The following BACH2 variants were observed in gnomAD, a reference collection of about 807,000 sequenced individuals.
BACH2 encodes the protein BACH transcriptional regulator 2, also known as transcription regulator protein BACH2.
BACH2 carries 5 observed loss-of-function variants against 61.8 expected under a neutral mutation model. The ratio of observed to expected loss-of-function variants is 0.08; its 90% CI spans 0.04 to 0.17. The LOEUF is 0.17. Ranked by LOEUF, BACH2 falls within the 10% of genes least tolerant of loss-of-function variation. BACH2 has a pLI of 1.00. For synonymous variants in BACH2, 446 were observed against 440.1 expected (o/e 1.01, Z -0.17); for missense variants, 824 against 1,091.1 (o/e 0.76, Z 3.45).
At chr6:90,247,744 C>T (rs3757247) in intron 3 of BACH2, among the ~76,000 whole-genome samples, 58,343 of 151,962 alleles carry the variant, frequency 0.38, 12,045 homozygotes, top group East Asian at 0.47. Context: ...CCTGGAATGT[C>T]TTCCCATCTC....
At chr6:90,080,041 C>T (rs529937400) in intron 5 of BACH2, among the ~76,000 whole-genome samples, 1 of 152,142 alleles carries the variant, frequency 6.6e-6, no homozygotes, top group South Asian at 2.1e-4. Flanking sequence ...AAGGCACGGG[C>T]ACCACCCTGC....
At chr6:90,116,970 G>C (rs1562455084) in intron 4 of BACH2, 1 of 370,894 alleles carries the variant, frequency 2.7e-6, no homozygotes, top group Non-Finnish European at 5.3e-6. Context: ...GAAAATGATA[G>C]ACATGGGTTG....
intron 6 of BACH2, among the ~76,000 whole-genome samples, chr6:89,954,838 T>C (rs1055507697): frequency 6.6e-6 from 1 of 152,146 alleles, no homozygotes; most frequent in South Asian, 2.1e-4. Context: ...CGTCATATGG[T>C]CATGAAAGAG....
At chr6:89,983,643 T>G (rs969005988) in intron 6 of BACH2, among the ~76,000 whole-genome samples, 1 of 152,200 alleles carries the variant, frequency 6.6e-6, no homozygotes, top group East Asian at 1.9e-4. Context: ...CACTCCAGCC[T>G]GGGTGACAAG....
In BACH2 at chr6:89,951,499, C is replaced by T. The variant is rs1774109931; in HGVS notation, c.607G>A (p.Glu203Lys). The T allele has an allele frequency of 3.1e-6, 5 of 1,614,244 alleles. No homozygotes were observed. The highest frequency in any genetic ancestry group is 3.4e-6 in the Non-Finnish European group (4 of 1,180,042). ...EAAAIPVAEK[E>K]EALLPEPDVP... is the part of the protein sequence containing the mutation. ...TCAGGCTCGGGCAGCAGGGCTTCTT[C>T]CTTCTCTGCTACGGGGATGGCGGCG... Residue 203 changes from glutamate to lysine, a missense_variant, in exon 7 of 9, where the codon GAA becomes AAA. Transcript: ENST00000257749. The surrounding 1 kb of genome is among the most constrained non-coding windows in gnomAD (Gnocchi z 6.4).
intron 4 of BACH2, among the ~76,000 whole-genome samples, chr6:90,103,029 A>ATATATATATAT: frequency 1.9e-4 from 4 of 21,164 alleles, no homozygotes; most frequent in East Asian, 7.4e-4. Context: ...ATATATATAT[A>ATATATATATAT]TTTTTTTTTT....
intron 5 of BACH2, among the ~76,000 whole-genome samples, chr6:90,036,444 C>A (rs936723973): frequency 1.3e-5 from 2 of 152,134 alleles, no homozygotes; most frequent in African/African-American, 2.4e-5. Flanking sequence ...GGTCCTGTAT[C>A]ATTTTGTACT....
At chr6:90,159,110 C>A (rs966192070) in intron 4 of BACH2, among the ~76,000 whole-genome samples, 1 of 152,162 alleles carries the variant, frequency 6.6e-6, no homozygotes, top group African/African-American at 2.4e-5. Context: ...GTGACAAAGT[C>A]CTCTCAGATA....
At chr6:89,979,281 T>C (rs146394720) in intron 6 of BACH2, among the ~76,000 whole-genome samples, 354 of 152,336 alleles carry the variant, frequency 2.3e-3, no homozygotes, top group African/African-American at 8.2e-3. Context: ...CTCTAGAACT[T>C]TGCTAAATGA....
chr6:90,046,130 T>C (rs1779767032), intron 5 of BACH2, among the ~76,000 whole-genome samples: 2 of 152,222 alleles, frequency 1.3e-5, no homozygotes, highest in Admixed American at 6.5e-5. Context: ...AGCTCTGTTT[T>C]AGAATGACTG....
chr6:90,043,875 T>C (rs991151237), intron 5 of BACH2, among the ~76,000 whole-genome samples: 2 of 152,224 alleles, frequency 1.3e-5, no homozygotes, highest in Non-Finnish European at 2.9e-5. Flanking sequence ...AAATTGCTTA[T>C]GTGTCTGTCT....
At chr6:90,010,149 G>A (rs1777630207) in intron 5 of BACH2, among the ~76,000 whole-genome samples, 1 of 152,114 alleles carries the variant, frequency 6.6e-6, no homozygotes, top group African/African-American at 2.4e-5. Context: ...GCAATTTGAT[G>A]TTTTGATTGT....
chr6:90,204,231 A>G (rs1227700153), intron 4 of BACH2, among the ~76,000 whole-genome samples: 1 of 152,172 alleles, frequency 6.6e-6, no homozygotes, highest in Non-Finnish European at 1.5e-5. Context: ...TCTGAGGAAG[A>G]GGAGAGTGCA....
At chr6:90,143,649 T>C (rs1784532457) in intron 4 of BACH2, among the ~76,000 whole-genome samples, 1 of 152,110 alleles carries the variant, frequency 6.6e-6, no homozygotes, top group Admixed American at 6.6e-5. Flanking sequence ...CCTCCACTTT[T>C]GCTGGCATTC....
At chr6:90,057,182 G>C (rs976164017) in intron 5 of BACH2, among the ~76,000 whole-genome samples, 2 of 152,016 alleles carry the variant, frequency 1.3e-5, no homozygotes, top group Non-Finnish European at 2.9e-5. Flanking sequence ...ATGAATCCAG[G>C]AGCTGGTTTT....
chr6:90,217,285 G>A (rs1769571162), intron 3 of BACH2, among the ~76,000 whole-genome samples: 1 of 152,158 alleles, frequency 6.6e-6, no homozygotes, highest in South Asian at 2.1e-4. Context: ...GTTTATACGT[G>A]AAGTTCTATG....
At chr6:90,035,794 C>A (rs1321661568) in intron 5 of BACH2, among the ~76,000 whole-genome samples, 1 of 151,906 alleles carries the variant, frequency 6.6e-6, no homozygotes, top group Non-Finnish European at 1.5e-5. Context: ...AAATTATAGA[C>A]GTTTAGGCTC....
chr6:89,946,764 G>A (rs2128355769), intron 7 of BACH2, among the ~76,000 whole-genome samples: 1 of 152,276 alleles, frequency 6.6e-6, no homozygotes, highest in Non-Finnish European at 1.5e-5. Context: ...GTATATTGTT[G>A]TAGGCAAAGA....
intron 4 of BACH2, among the ~76,000 whole-genome samples, chr6:90,109,790 C>T (rs1236325574): frequency 6.6e-6 from 1 of 152,178 alleles, no homozygotes; most frequent in African/African-American, 2.4e-5. Context: ...AAATGAACCA[C>T]TTTCATTAGC....
Sources: gnomAD v4.1 joint callset for allele counts (sites outside exome capture counted in the v4.1 genomes callset) on GRCh38, gnomAD v4.1.1 for gene constraint, Gnocchi (gnomAD v3.1) non-coding constraint, MANE v1.5 for transcripts, NCBI Gene and HGNC (gene_info 2026-07-23, HGNC 2026-07-21) for gene names.